SEC16B: variants seen among roughly 807,000 people sequenced by gnomAD.
SEC16B encodes the protein protein transport protein Sec16B.
In SEC16B, 115 loss-of-function variants were observed where a neutral mutation model predicts 141.8. The ratio of observed to expected loss-of-function variants is 0.81; its 90% CI spans 0.70 to 0.95. SEC16B has a LOEUF of 0.95. Ranked by LOEUF, SEC16B falls within the 40% of genes least tolerant of loss-of-function variation. SEC16B has a pLI of 0.00. For missense variants in SEC16B, 1,291 were observed against 1,312.3 expected, an observed-to-expected ratio of 0.98 and a Z score of 0.25; for synonymous variants, 493 against 492.5, an observed-to-expected ratio of 1.00 and a Z score of -0.01.
intron 24 of SEC16B, 92 bp downstream of exon 24, chr1:177,932,398 G>A (rs1030798695): frequency 6.8e-5 from 63 of 925,868 alleles, no homozygotes; most frequent in East Asian, 1.5e-4. Flanking sequence ...CTTCAGGTTC[G>A]CCAGGAGTCA....
At position 177,946,495 on chromosome 1, in the gene SEC16B, T is replaced by C. The variant is rs202145138; in HGVS notation, c.1700A>G (p.Tyr567Cys). The C allele has an allele frequency of 3.2e-6, 5 of 1,584,844 alleles. No homozygotes were observed. The highest frequency in any genetic ancestry group is 2.3e-5 in the East Asian group (1 of 43,210). ...KGLVEAAHFC[Y>C]LMAHVPFGHY... is the part of the protein sequence containing the mutation. ...GCCAAAGGGCACGTGAGCCATGAGA[T>C]AGCAGAAGTGAGCTGCCTCCACAAG... The change falls in exon 14 of 26, where the codon TAT becomes TGT. Residue 567 changes from tyrosine (Y) to cysteine (C), a missense_variant. By Grantham distance (194) the Tyr-to-Cys change is radical. Transcript: ENST00000308284.
At chr1:177,932,341 T>A (rs892955904) in intron 24 of SEC16B, 149 bp downstream of exon 24, 36 of 562,824 alleles carry the variant, frequency 6.4e-5, no homozygotes, top group Non-Finnish European at 1.0e-4. Flanking sequence ...TGTTCTGTGG[T>A]ACTTTGTTAT....
Position 177,940,695 on chromosome 1 carries a change from A to C in SEC16B, c.2042T>G (p.Leu681Arg). 6.2e-7 allele frequency: 1 copy of C among 1,613,702 alleles called. No individual in the cohort carries two copies. The highest frequency in any genetic ancestry group is 1.1e-5 in the South Asian group (1 of 91,032). Residue 681 changes from leucine (L) to arginine (R), a missense_variant, in exon 17 of 26, where the codon CTG (leucine) becomes CGG (arginine). By Grantham distance (102) the Leu-to-Arg change is moderately radical. Around this residue, in one of 3 missense-constraint regions of SEC16B, gnomAD observed 605 missense variants for 614.1 expected, o/e 0.99. Transcript: ENST00000308284. ...ELIKLAEKLK[L>R]SDPLVLERRS... ...TCTTTCTAAAACCAGAGGATCTGAC[A>C]GCTTCAGTTTCTCTGCTAGCTGTGC...
At chr1:177,954,210 C>T in intron 11 of SEC16B, 69 bp downstream of exon 11, 2 of 1,170,568 alleles carry the variant, frequency 1.7e-6, no homozygotes, top group Non-Finnish European at 2.5e-6. Context: ...TTCTCCACAC[C>T]CTCATCCTCC....
At position 177,940,501 on chromosome 1, in the gene SEC16B, T is replaced by C. The variant is rs936147761; in HGVS notation, c.2127+109A>G. 60 of 727,790 alleles carry C rather than the reference T, an allele frequency of 8.2e-5. No homozygotes were observed. In the African/African-American group the frequency reaches 9.6e-4, roughly 12 times the overall value. 45.1% of individuals were successfully genotyped at this position (727,790 alleles called of 1,614,324 possible). On this transcript the variant is annotated intron_variant, in intron 17 of 25. Coordinates refer to ENST00000308284, the MANE Select transcript of SEC16B (RefSeq NM_033127.4). ...TGATGGGAGAGACCAGGGTGAGGCA[T>C]GGGGACCAGGGACTTGCTAATGTCA...
rs1269592749 is a variant in SEC16B, at chr1:177,932,567, C to T, written c.2935G>A (p.Gly979Arg). ...GATGCGGATCCTCGGCCTTCACCCC[C>T]ACCTGGAAAGTAATGAGGCAGAGCT... ...DVSAFSRGRG[G>R]GEGRGSASSG... The change falls in exon 24 of 26, where the codon GGG becomes AGG. Residue 979 changes from glycine to arginine, a missense_variant and splice_region_variant. By Grantham distance (125) the Gly-to-Arg change is moderately radical. This residue lies in a region of SEC16B where 605 missense variants were observed against 614.1 expected (regional missense o/e 0.99). Coordinates refer to ENST00000308284, the MANE Select transcript of SEC16B (RefSeq NM_033127.4). The T allele has an allele frequency of 1.3e-6, 2 of 1,557,338 alleles. No individual in the cohort carries two copies. Among genetic ancestry groups the T allele is most frequent in the Non-Finnish European group, 1.7e-6 (2 of 1,151,820 alleles).
At chr1:177,974,839 GAAATACA>G (rs1341407063), upstream of SEC16B, among the ~76,000 whole-genome samples, 2 of 152,158 alleles carry the variant, frequency 1.3e-5, no homozygotes, top group Non-Finnish European at 2.9e-5. Flanking sequence ...GAAGAGACTG[GAAATACA>G]CAATTACTGA....
At chr1:177,947,778 G>GGACAGGGAGGGGAGGGGAGT in intron 13 of SEC16B, 47 bp downstream of exon 13, 2 of 1,196,086 alleles carry the variant, frequency 1.7e-6, no homozygotes, top group Non-Finnish European at 2.4e-6. Context: ...GGGAGGGGAG[G>GGACAGGGAGGGGAGGGGAGT]GAAGGGACAG....
intron 10 of SEC16B, among the ~76,000 whole-genome samples, chr1:177,956,831 TA>T (rs1417536988): frequency 6.6e-6 from 1 of 152,200 alleles, no homozygotes; most frequent in African/African-American, 2.4e-5. Context: ...ATGAGATATT[TA>T]GCACCTTATT....
chr1:177,932,893 T>C, intron 22 of SEC16B, 87 bp from the exon 23 acceptor site: 1 of 1,315,172 alleles, frequency 7.6e-7, no homozygotes, highest in Non-Finnish European at 1.1e-6. Context: ...ACACTCACGA[T>C]GGCGGCCTTG....
chr1:177,950,629 CA>C (rs1462656241), intron 12 of SEC16B, among the ~76,000 whole-genome samples: 1 of 151,964 alleles, frequency 6.6e-6, no homozygotes, highest in Non-Finnish European at 1.5e-5. Context: ...AAATTATCAC[CA>C]AACATTTTGT....
intron 14 of SEC16B, 45 bp from the exon 15 acceptor site, chr1:177,944,711 C>T (rs369977612): frequency 1.4e-5 from 21 of 1,515,220 alleles, no homozygotes; most frequent in African/African-American, 6.9e-5. Flanking sequence ...GTGTGGGGGA[C>T]GCAGGAGTTA....
At chr1:177,980,827 A>G (rs1476811129) in intron 1 of SEC16B, among the ~76,000 whole-genome samples, 1 of 151,980 alleles carries the variant, frequency 6.6e-6, no homozygotes, top group Non-Finnish European at 1.5e-5. Flanking sequence ...GACCTGAAGG[A>G]TGAGAGTGCA....
At chr1:177,964,948 T>C (rs1447761245) in intron 4 of SEC16B, 99 bp downstream of exon 4, 3 of 1,406,568 alleles carry the variant, frequency 2.1e-6, no homozygotes, top group Non-Finnish European at 2.0e-6. Context: ...TACATGGGCT[T>C]CTGGAGGTGA....
chr1:177,943,497 G>A (rs185028094), intron 15 of SEC16B, among the ~76,000 whole-genome samples: 31 of 152,362 alleles, frequency 2.0e-4, no homozygotes, highest in Non-Finnish European at 3.8e-4. Context: ...AAGGCTTTGT[G>A]TTGTGTGTGC....
Position 177,939,914 on chromosome 1 carries a change from A to G in SEC16B, c.2128-137T>C, listed in dbSNP as rs74128475. On this transcript the variant is annotated intron_variant, in intron 17 of 25. Coordinates refer to ENST00000308284, the MANE Select transcript of SEC16B (RefSeq NM_033127.4). Reference sequence around the variant, plus strand: ...AGGTAAGGGAAATGCTTGTATGCTTAGGGGCCTGGGGGGTCACGTGGACAG... The same window carrying G: ...AGGTAAGGGAAATGCTTGTATGCTTGGGGGCCTGGGGGGTCACGTGGACAG... The G allele has an allele frequency of 7.2e-4, 524 of 723,044 alleles. 3 individuals carry two copies. In the African/African-American group the frequency reaches 8.5e-3, roughly 12 times the overall value. The allele number at this position is 723,044 out of a possible 1,614,324, so 44.8% of individuals were successfully genotyped here.
upstream of SEC16B, among the ~76,000 whole-genome samples, chr1:177,971,693 C>T (rs1653962146): frequency 6.6e-6 from 1 of 152,068 alleles, no homozygotes; most frequent in East Asian, 1.9e-4. Context: ...AGCAACTATG[C>T]TTTTTTGATG....
At chr1:177,972,525 G>A (rs1654001888), upstream of SEC16B, among the ~76,000 whole-genome samples, 1 of 152,138 alleles carries the variant, frequency 6.6e-6, no homozygotes, top group Admixed American at 6.5e-5. Flanking sequence ...TGCCCAAATG[G>A]CTACAGTCTT....
In SEC16B at chr1:177,967,650, G is replaced by A. The variant is rs768578714; in HGVS notation, c.299+33C>T. On this transcript the variant is annotated intron_variant, in intron 2 of 25. Transcript: ENST00000308284. Reference sequence around the variant, plus strand: ...ACAACCTATTCATACGCATTTAGGAGAGTTGCATTCATTCCAAGCCCTAAA... The same window carrying A: ...ACAACCTATTCATACGCATTTAGGAAAGTTGCATTCATTCCAAGCCCTAAA... 6.5e-6 allele frequency: 10 copies of A among 1,529,544 alleles called. 1 individual carries two copies. In the Admixed American group the frequency reaches 8.0e-5, roughly 12 times the overall value. The allele number at this position is 1,529,544 out of a possible 1,614,324, so 94.7% of individuals were successfully genotyped here.
Sources: allele counts gnomAD v4.1 joint callset (sites outside exome capture counted in the v4.1 genomes callset), GRCh38; gene constraint gnomAD v4.1.1; regional missense constraint gnomAD v4.1.1; transcripts MANE v1.5; gene names NCBI Gene and HGNC (gene_info 2026-07-23, HGNC 2026-07-21).